Variants in EPS15L1 observed in about 807,000 individuals in gnomAD.
The protein encoded by EPS15L1 is epidermal growth factor receptor substrate 15-like 1.
Under a neutral mutation model 117.1 loss-of-function variants are expected in EPS15L1, and 43 were observed. That is an observed-to-expected ratio of 0.37 (90% CI 0.29 to 0.47). The LOEUF is 0.47. Ranked by LOEUF, EPS15L1 falls within the 20% of genes least tolerant of loss-of-function variation. The pLI, the probability that EPS15L1 is intolerant of heterozygous loss-of-function variation, is 0.99. For missense variants in EPS15L1, 981 were observed against 1,164.0 expected, an observed-to-expected ratio of 0.84 and a Z score of 2.29; for synonymous variants, 459 against 470.5, an observed-to-expected ratio of 0.98 and a Z score of 0.32.
chr19:16,411,532 T>C (rs1226660528), intron 13 of EPS15L1, among the ~76,000 whole-genome samples: 1 of 152,216 alleles, frequency 6.6e-6, no homozygotes, highest in Non-Finnish European at 1.5e-5. Context: ...ACGGTGATTA[T>C]GCGAAACACC....
rs139068497 is a variant in EPS15L1, at chr19:16,457,168, C to T, written c.33+14745G>A. On this transcript the variant is annotated intron_variant, in intron 1 of 23. Coordinates refer to ENST00000455140, the MANE Select transcript of EPS15L1 (RefSeq NM_001258374.3). ...GGAGGACATGCCAGTTCCCTAAAAA[C>T]GAATGTGTTTCCTTGGGATGTCCCC... Among the ~76,000 whole-genome samples the T allele has an allele frequency of 2.4e-4, 37 of 152,290 alleles. 1 individual carries two copies. Among genetic ancestry groups the T allele is most frequent in the African/African-American group, 5.5e-4 (23 of 41,552 alleles).
At chr19:16,380,988 G>GAGGTGGCCCCTCT (rs2092355944) in intron 21 of EPS15L1, among the ~76,000 whole-genome samples, 1 of 152,208 alleles carries the variant, frequency 6.6e-6, no homozygotes, top group African/African-American at 2.4e-5. Flanking sequence ...ACAGAACAGG[G>GAGGTGGCCCCTCT]AGGTGGCCCC....
intron 19 of EPS15L1, among the ~76,000 whole-genome samples, chr19:16,390,140 T>C (rs1157745540): frequency 6.6e-6 from 1 of 151,738 alleles, no homozygotes. Context: ...AAGACACCTA[T>C]CAGTTTTAAA....
chr19:16,450,248 GA>G (rs1260350586), intron 1 of EPS15L1, among the ~76,000 whole-genome samples: 1 of 150,512 alleles, frequency 6.6e-6, no homozygotes, highest in Non-Finnish European at 1.5e-5. Flanking sequence ...TCTTAAAAAA[GA>G]AAAAAAAAGC....
rs1019478970 is a variant in EPS15L1, at chr19:16,370,152, C to A, written c.2380+6970G>T. Among the ~76,000 whole-genome samples the A allele has an allele frequency of 6.6e-6, 1 of 152,202 alleles. No homozygotes were observed. Among genetic ancestry groups the A allele is most frequent in the Non-Finnish European group, 1.5e-5 (1 of 68,038 alleles). On this transcript the variant is annotated intron_variant, in intron 22 of 23. Coordinates refer to ENST00000455140, the MANE Select transcript of EPS15L1 (RefSeq NM_001258374.3). The surrounding 1 kb of genome is among the most constrained non-coding windows in gnomAD (Gnocchi z 5.2). The stretch of plus-strand genomic sequence containing the variant: ...GGGAGCAAGTGAGGCGCAGAGCCCA[C>A]CAGGAGCTCCCATGGTGGGGGACAC...
intron 1 of EPS15L1, among the ~76,000 whole-genome samples, chr19:16,454,466 T>C (rs535691244): frequency 2.0e-5 from 3 of 152,348 alleles, no homozygotes; most frequent in African/African-American, 4.8e-5. Flanking sequence ...TGGTGTACTA[T>C]GTCAGCATGA....
chr19:16,398,343 C>T (rs1343862283), intron 16 of EPS15L1, among the ~76,000 whole-genome samples: 7 of 152,314 alleles, frequency 4.6e-5, no homozygotes, highest in South Asian at 2.1e-4. Context: ...GAAACCAAGC[C>T]GGGTTCTTAG....
At chr19:16,386,941 C>G (rs1287929453) in intron 19 of EPS15L1, among the ~76,000 whole-genome samples, 2 of 152,204 alleles carry the variant, frequency 1.3e-5, no homozygotes, top group African/African-American at 4.8e-5. Context: ...AGAACGCTCA[C>G]CATGTATCAG....
chr19:16,444,038 C>A, intron 1 of EPS15L1, among the ~76,000 whole-genome samples: 1 of 131,302 alleles, frequency 7.6e-6, no homozygotes, highest in African/African-American at 3.0e-5. Flanking sequence ...CACTCCAGCC[C>A]AGGCGACGGT....
Position 16,440,849 on chromosome 19 carries a change from C to T in EPS15L1, c.213+13G>A, listed in dbSNP as rs543105539. The T allele has an allele frequency of 1.9e-6, 3 of 1,613,896 alleles. No individual in the cohort carries two copies. The highest frequency in any genetic ancestry group is 2.5e-6 in the Non-Finnish European group (3 of 1,179,770). On this transcript the variant is annotated intron_variant, in intron 4 of 23. Coordinates refer to ENST00000455140, the MANE Select transcript of EPS15L1 (RefSeq NM_001258374.3). ...CCAGCCCCTCCATTTGCTCTGTGTA[C>T]ATGTGTATATACCTGTTTGTCCAAG...
intron 1 of EPS15L1, among the ~76,000 whole-genome samples, chr19:16,456,525 C>T (rs933906636): frequency 6.6e-6 from 1 of 151,916 alleles, no homozygotes; most frequent in African/African-American, 2.4e-5. Context: ...GGCGTGGTGG[C>T]GGGTACCTGT....
intron 1 of EPS15L1, among the ~76,000 whole-genome samples, chr19:16,466,808 C>T (rs1250636951): frequency 6.6e-6 from 1 of 151,004 alleles, no homozygotes; most frequent in African/African-American, 2.4e-5. Context: ...GAGGCTGAGA[C>T]AGGAGAATCG....
At chr19:16,440,988 C>T in intron 3 of EPS15L1, 79 bp from the exon 4 acceptor site, 1 of 1,379,546 alleles carries the variant, frequency 7.2e-7, no homozygotes, top group Non-Finnish European at 1.0e-6. Flanking sequence ...GCCGCCACCA[C>T]CCCATCACTG....
intron 6 of EPS15L1, 155 bp from the exon 7 acceptor site, chr19:16,434,645 G>T (rs1198427238): frequency 6.5e-6 from 5 of 767,180 alleles, no homozygotes; most frequent in South Asian, 1.8e-5. Flanking sequence ...TTGGCCCCTT[G>T]GTTTCCAAAG....
intron 22 of EPS15L1, among the ~76,000 whole-genome samples, chr19:16,367,507 A>AC (rs1459520976): frequency 1.4e-5 from 2 of 148,130 alleles, no homozygotes; most frequent in Non-Finnish European, 3.0e-5. Flanking sequence ...TAAAAAAAAA[A>AC]AAAAAAAAAA....
rs1296323022 is a variant in EPS15L1, at chr19:16,381,660, C to G, written c.2247+3469G>C. ...TCTGGGAGTGCCCCCATCTGCTGCC[C>G]CAGTTGTCCCCAGGCCTGTCCGAGA... On this transcript the variant is annotated intron_variant, in intron 21 of 23. Transcript: ENST00000455140. This position sits in a 1 kb window ranked among gnomAD's most constrained non-coding sequence, Gnocchi z 4.2. Among the ~76,000 whole-genome samples, 1 of 152,194 alleles carries G rather than the reference C, an allele frequency of 6.6e-6. No homozygotes were observed. The highest frequency in any genetic ancestry group is 1.5e-5 in the Non-Finnish European group (1 of 68,034).
intron 1 of EPS15L1, among the ~76,000 whole-genome samples, chr19:16,459,366 CG>C (rs1452874274): frequency 6.6e-6 from 1 of 152,178 alleles, no homozygotes; most frequent in African/African-American, 2.4e-5. Flanking sequence ...CTGTAATGAC[CG>C]GCCCCTCTCA....
intron 4 of EPS15L1, chr19:16,440,570 G>A (rs1447572547): frequency 4.7e-6 from 1 of 212,762 alleles, no homozygotes; most frequent in Non-Finnish European, 9.2e-6. Flanking sequence ...TTCCACGAGA[G>A]ACTGGTCCAA....
At chr19:16,374,947 TG>T (rs1415778841) in intron 22 of EPS15L1, among the ~76,000 whole-genome samples, 4 of 152,234 alleles carry the variant, frequency 2.6e-5, no homozygotes, top group African/African-American at 4.8e-5. Flanking sequence ...TATGTTCACA[TG>T]TGAATATGTG....
Sources: allele counts gnomAD v4.1 joint callset (sites outside exome capture counted in the v4.1 genomes callset), GRCh38; gene constraint gnomAD v4.1.1; non-coding constraint Gnocchi (gnomAD v3.1); transcripts MANE v1.5; gene names NCBI Gene and HGNC (gene_info 2026-07-23, HGNC 2026-07-21).